The following ARHGAP20 variants were observed in gnomAD, a reference collection of about 807,000 sequenced individuals.
ARHGAP20 encodes Rho GTPase activating protein 20, also known as rho GTPase-activating protein 20.
In ARHGAP20, 34 loss-of-function variants were observed where a neutral mutation model predicts 73.7. The ratio of observed to expected loss-of-function variants is 0.46; its 90% CI spans 0.35 to 0.61. The LOEUF (loss-of-function observed/expected upper bound fraction) is 0.61, where lower values mean the gene tolerates loss of function less well. Among genes scored for constraint, ARHGAP20 ranks in the 20% least tolerant of loss-of-function variants. The pLI, the probability that ARHGAP20 is intolerant of heterozygous loss-of-function variation, is 0.00. For synonymous variants in ARHGAP20, 523 were observed against 518.2 expected (o/e 1.01, Z -0.13); for missense variants, 1,314 against 1,420.9 (o/e 0.92, Z 1.21).
At chr11:110,667,707 A>C (rs1034478242) in intron 2 of ARHGAP20, among the ~76,000 whole-genome samples, 1 of 152,208 alleles carries the variant, frequency 6.6e-6, no homozygotes, top group Non-Finnish European at 1.5e-5. Context: ...TCTAGATAGC[A>C]TTAAGAACAT....
At chr11:110,601,993 A>T (rs1948122573) in intron 9 of ARHGAP20, among the ~76,000 whole-genome samples, 1 of 152,116 alleles carries the variant, frequency 6.6e-6, no homozygotes, top group African/African-American at 2.4e-5. Flanking sequence ...AAAAAAAAAA[A>T]AAAAATTTTA....
intron 8 of ARHGAP20, among the ~76,000 whole-genome samples, chr11:110,607,423 A>G (rs1948259433): frequency 1.3e-5 from 2 of 152,214 alleles, no homozygotes; most frequent in South Asian, 2.1e-4. Context: ...GACTATAAAA[A>G]CTAAACCCTG....
intron 9 of ARHGAP20, among the ~76,000 whole-genome samples, chr11:110,603,473 T>A (rs1948154364): frequency 6.6e-6 from 1 of 152,210 alleles, no homozygotes; most frequent in African/African-American, 2.4e-5. Flanking sequence ...CAATGAATGT[T>A]TAATTACAAG....
chr11:110,672,631 G>C (rs1179777729), intron 2 of ARHGAP20, among the ~76,000 whole-genome samples: 1 of 152,090 alleles, frequency 6.6e-6, no homozygotes, highest in Non-Finnish European at 1.5e-5. Context: ...ATTTTTAGTA[G>C]AGACAAGGTT....
intron 2 of ARHGAP20, among the ~76,000 whole-genome samples, chr11:110,687,818 C>A (rs1248874125): frequency 1.3e-5 from 2 of 152,020 alleles, no homozygotes; most frequent in Non-Finnish European, 2.9e-5. Context: ...ATACTAAAGA[C>A]AATTAAGTAG....
chr11:110,649,408 C>T (rs987316590), intron 2 of ARHGAP20, among the ~76,000 whole-genome samples: 9 of 151,766 alleles, frequency 5.9e-5, no homozygotes, highest in South Asian at 4.2e-4. Context: ...TCCTCTAAAT[C>T]GATCAGGCAC....
chr11:110,704,070 G>A (rs1400690132), intron 1 of ARHGAP20, among the ~76,000 whole-genome samples: 1 of 152,108 alleles, frequency 6.6e-6, no homozygotes, highest in East Asian at 1.9e-4. Context: ...GAAAAGTACT[G>A]TGATCAAATT....
Position 110,712,277 on chromosome 11 carries a change from A to C in ARHGAP20, c.-46T>G. ...TCCCAGCCCAGGAGGAGGCTACACG[A>C]TCATGTCCGCGGGCTGCCGGCCGGA... On this transcript the variant is annotated 5_prime_UTR_variant, in exon 1 of 15. Coordinates refer to ENST00000683387, the MANE Select transcript of ARHGAP20 (RefSeq NM_001384657.1). The C allele has an allele frequency of 7.9e-7, 1 of 1,266,716 alleles. No individual in the cohort carries two copies. The highest frequency in any genetic ancestry group is 1.0e-6 in the Non-Finnish European group (1 of 995,712). The allele number at this position is 1,266,716 out of a possible 1,614,324, so 78.5% of individuals were successfully genotyped here. A position where few individuals can be genotyped will look rare whatever the true frequency, so the allele number is the denominator to read the frequency against.
In ARHGAP20 at chr11:110,579,386, A is replaced by AAATACCTGT. The variant is rs1298331036; in HGVS notation, c.3551_3559dup (p.Tyr1186_Leu1187insTyrArgTyr). 4.4e-6 allele frequency: 7 copies of AAATACCTGT among 1,593,610 alleles called. No homozygotes were observed. The highest frequency in any genetic ancestry group is 6.0e-6 in the Non-Finnish European group (7 of 1,164,334). ...TTACTATGCTTAAATGTCTTTGGTT[A>AAATACCTGT]AATACCTGTCCTCAATGTCGCAGAC... On this transcript the variant is annotated inframe_insertion, in exon 15 of 15. Coordinates refer to ENST00000683387, the MANE Select transcript of ARHGAP20 (RefSeq NM_001384657.1).
chr11:110,599,042 G>A (rs1948045067), intron 9 of ARHGAP20, among the ~76,000 whole-genome samples: 1 of 152,110 alleles, frequency 6.6e-6, no homozygotes, highest in South Asian at 2.1e-4. Context: ...TCTTGTGTGG[G>A]GACAGGTAGG....
At chr11:110,685,604 A>T (rs1381002099) in intron 2 of ARHGAP20, among the ~76,000 whole-genome samples, 1 of 152,162 alleles carries the variant, frequency 6.6e-6, no homozygotes, top group Non-Finnish European at 1.5e-5. Context: ...TTAACTCATC[A>T]GTTAATTTAA....
chr11:110,622,164 G>C (rs1352477165), intron 4 of ARHGAP20, among the ~76,000 whole-genome samples: 1 of 152,140 alleles, frequency 6.6e-6, no homozygotes, highest in African/African-American at 2.4e-5. Context: ...CAGAAAGATT[G>C]TTTTTGCCAG....
intron 9 of ARHGAP20, 98 bp from the exon 10 acceptor site, chr11:110,592,253 A>G: frequency 8.7e-7 from 1 of 1,146,480 alleles, no homozygotes; most frequent in African/African-American, 1.5e-5. Context: ...TATGGCTCAA[A>G]GAGAAAAAGA....
At chr11:110,679,534 A>C (rs1949997537) in intron 2 of ARHGAP20, among the ~76,000 whole-genome samples, 4 of 152,214 alleles carry the variant, frequency 2.6e-5, no homozygotes, top group Admixed American at 1.3e-4. Context: ...ATGTTTTATG[A>C]GTTGCAATAA....
chr11:110,649,834 C>T (rs928382461), intron 2 of ARHGAP20, among the ~76,000 whole-genome samples: 1 of 151,966 alleles, frequency 6.6e-6, no homozygotes, highest in African/African-American at 2.4e-5. Context: ...TTTGACAGTA[C>T]TTTTTAAAAT....
At chr11:110,701,612 T>C (rs1463592326) in intron 1 of ARHGAP20, among the ~76,000 whole-genome samples, 1 of 152,090 alleles carries the variant, frequency 6.6e-6, no homozygotes, top group Non-Finnish European at 1.5e-5. Context: ...CAATTTTGGC[T>C]TTTGTTGCCA....
chr11:110,705,146 A>C (rs1057489816), intron 1 of ARHGAP20, among the ~76,000 whole-genome samples: 16 of 152,292 alleles, frequency 1.1e-4, no homozygotes, highest in South Asian at 2.1e-4. Context: ...AGTCCCATAA[A>C]GCATAACATG....
chr11:110,690,676 A>G, intron 1 of ARHGAP20, 47 bp from the exon 2 acceptor site: 2 of 1,563,608 alleles, frequency 1.3e-6, no homozygotes, highest in Non-Finnish European at 1.8e-6. Flanking sequence ...CTTGTAAGGC[A>G]AGACAATGTT....
At chr11:110,594,742 C>G (rs1947911201) in intron 9 of ARHGAP20, among the ~76,000 whole-genome samples, 1 of 151,980 alleles carries the variant, frequency 6.6e-6, no homozygotes, top group African/African-American at 2.4e-5. Flanking sequence ...CCTTCTGAAA[C>G]TATTCCAATC....
Sources: allele counts gnomAD v4.1 joint callset (sites outside exome capture counted in the v4.1 genomes callset), GRCh38; gene constraint gnomAD v4.1.1; transcripts MANE v1.5; gene names NCBI Gene and HGNC (gene_info 2026-07-23, HGNC 2026-07-21).